TMEM132B: variants seen among roughly 807,000 people sequenced by gnomAD.
The protein encoded by TMEM132B is transmembrane protein 132B.
A neutral mutation model predicts 90.8 loss-of-function variants in TMEM132B; 18 were observed. The ratio of observed to expected loss-of-function variants is 0.20; its 90% CI spans 0.14 to 0.29. TMEM132B has a LOEUF of 0.29. Ranked by LOEUF, TMEM132B falls within the 10% of genes least tolerant of loss-of-function variation. TMEM132B has a pLI of 1.00. For missense variants in TMEM132B, 1,096 were observed against 1,326.8 expected (o/e 0.83, Z 2.70); for synonymous variants, 504 against 523.3 (o/e 0.96, Z 0.50).
chr12:125,311,466 C>T (rs898286305), intron 1 of TMEM132B, among the ~76,000 whole-genome samples: 3 of 152,230 alleles, frequency 2.0e-5, no homozygotes, highest in African/African-American at 7.2e-5. Flanking sequence ...CCCAGCTTCT[C>T]TCTTCCTTTT....
rs1028771858 is a variant in TMEM132B, at chr12:125,407,849, T to A, written c.960-7682T>A. Among the ~76,000 whole-genome samples the A allele has an allele frequency of 6.6e-6, 1 of 152,240 alleles. No individual in the cohort carries two copies. Among genetic ancestry groups the A allele is most frequent in the African/African-American group, 2.4e-5 (1 of 41,468 alleles). On this transcript the variant is annotated intron_variant, in intron 2 of 8. Transcript: ENST00000682704. This position sits in a 1 kb window ranked among gnomAD's most constrained non-coding sequence, Gnocchi z 6.7. ...GCCACCATGTCCTCCTGGCTCTGACTTACGTCCCTGTTACAATGCACTTGC... is the reference window on the plus strand; with the variant it reads ...GCCACCATGTCCTCCTGGCTCTGACATACGTCCCTGTTACAATGCACTTGC...
chr12:125,557,155 C>T (rs768929612), intron 4 of TMEM132B, among the ~76,000 whole-genome samples: 1 of 152,128 alleles, frequency 6.6e-6, no homozygotes, highest in African/African-American at 2.4e-5. Flanking sequence ...AATGTATACA[C>T]ATATGTTCAT....
At chr12:125,615,985 A>G (rs1226663045) in intron 5 of TMEM132B, among the ~76,000 whole-genome samples, 1 of 152,178 alleles carries the variant, frequency 6.6e-6, no homozygotes. Context: ...GTACATGTGC[A>G]CAACATGCAG....
At chr12:125,577,761 A>C (rs1277790901) in intron 4 of TMEM132B, among the ~76,000 whole-genome samples, 3 of 151,878 alleles carry the variant, frequency 2.0e-5, no homozygotes, top group Non-Finnish European at 1.5e-5. Flanking sequence ...CCCTCTAGAT[A>C]CTACTTTTAA....
intron 1 of TMEM132B, among the ~76,000 whole-genome samples, chr12:125,220,763 C>T (rs959099103): frequency 2.0e-5 from 3 of 152,184 alleles, no homozygotes; most frequent in African/African-American, 4.8e-5. Flanking sequence ...ATCGTAGGAG[C>T]GTGTACCTCT....
At chr12:125,427,560 T>A (rs550365265) in intron 3 of TMEM132B, among the ~76,000 whole-genome samples, 1 of 152,182 alleles carries the variant, frequency 6.6e-6, no homozygotes, top group African/African-American at 2.4e-5. Flanking sequence ...AAACAAGAAG[T>A]GGATGGGGCC....
At chr12:125,195,792 G>A (rs1410425173) in intron 1 of TMEM132B, among the ~76,000 whole-genome samples, 7 of 152,110 alleles carry the variant, frequency 4.6e-5, no homozygotes. Flanking sequence ...ATCTTGGGAA[G>A]AGTGTTCCAG....
At chr12:125,392,148 A>ATATT (rs1420956985) in intron 2 of TMEM132B, among the ~76,000 whole-genome samples, 1 of 152,206 alleles carries the variant, frequency 6.6e-6, no homozygotes, top group Non-Finnish European at 1.5e-5. Context: ...AAAGAAAATA[A>ATATT]TATTTTTTTT....
intron 5 of TMEM132B, chr12:125,586,192 G>A (rs1885175454): frequency 6.6e-6 from 1 of 152,182 alleles, no homozygotes; most frequent in African/African-American, 2.4e-5. Context: ...TTTTTAGGGA[G>A]AGTCTTGCAG....
In TMEM132B at chr12:125,350,160, C is replaced by T. The variant is rs1877512260; in HGVS notation, c.776C>T (p.Pro259Leu). 1 of 1,614,088 alleles carries T rather than the reference C, an allele frequency of 6.2e-7. No individual in the cohort carries two copies. Among genetic ancestry groups the T allele is most frequent in the African/African-American group, 1.3e-5 (1 of 74,948 alleles). ...SGLESPQQAF[P>L]ARERIGSVVV... ...CTGGAGAGCCCCCAGCAAGCGTTTC[C>T]AGCCCGAGAGAGGATTGGGAGTGTG... Residue 259 changes from proline (P) to leucine (L), a missense_variant, in exon 2 of 9, where the codon CCA becomes CTA. Physicochemically the swap from Pro to Leu is moderately conservative, Grantham distance 98 (BLOSUM62 -3). Transcript: ENST00000682704.
chr12:125,617,900 T>C (rs1032872072), intron 5 of TMEM132B, among the ~76,000 whole-genome samples: 2 of 152,010 alleles, frequency 1.3e-5, no homozygotes, highest in East Asian at 3.9e-4. Context: ...TTTGAGTTTA[T>C]ATATTAATAG....
chr12:125,367,943 G>A (rs1219131442), intron 2 of TMEM132B, among the ~76,000 whole-genome samples: 1 of 151,646 alleles, frequency 6.6e-6, no homozygotes, highest in East Asian at 1.9e-4. Context: ...TTAATCTATT[G>A]TGTTATCAAA....
chr12:125,554,426 TTAAAAAA>T (rs1213505540), intron 4 of TMEM132B, among the ~76,000 whole-genome samples: 13 of 97,296 alleles, frequency 1.3e-4, no homozygotes, highest in African/African-American at 5.2e-4. Context: ...CTCCATTTCA[TTAAAAAA>T]AAAAAAAAAA....
intron 2 of TMEM132B, among the ~76,000 whole-genome samples, chr12:125,361,149 C>T (rs1837204188): frequency 6.6e-6 from 1 of 152,090 alleles, no homozygotes; most frequent in African/African-American, 2.4e-5. Context: ...CCCAGCCCAC[C>T]CTCAGCAGTG....
chr12:125,654,225 A>T lies in TMEM132B; in HGVS notation c.2767A>T (p.Asn923Tyr). ...TCTGGCCATTCTGGTCTTCTTGATC[A>T]ACTGCGTGGCGTTTGCCTGGAAATA... ...FCLAILVFLI[N>Y]CVAFAWKYRH... Residue 923 changes from asparagine to tyrosine, a missense_variant, in exon 9 of 9, where the codon AAC becomes TAC. Asn to Tyr is a moderately radical substitution (Grantham distance 143). Coordinates refer to ENST00000682704, the MANE Select transcript of TMEM132B (RefSeq NM_001366854.1). This position sits in a 1 kb window ranked among gnomAD's most constrained non-coding sequence, Gnocchi z 5.8. 6.2e-7 allele frequency: 1 copy of T among 1,614,178 alleles called. No homozygotes were observed. The highest frequency in any genetic ancestry group is 8.5e-7 in the Non-Finnish European group (1 of 1,180,044).
rs1055083226 is a variant in TMEM132B at position 125,349,048 on chromosome 12, G to T, written c.68-404G>T. On this transcript the variant is annotated intron_variant, in intron 1 of 8. Transcript: ENST00000682704. The surrounding 1 kb of genome is among the most constrained non-coding windows in gnomAD (Gnocchi z 4.1). Reference sequence around the variant, plus strand: ...GCAGCATAAATATCAAAGTAATAAGGCACTAACGTGTCACATACAATGGTG... The same window carrying T: ...GCAGCATAAATATCAAAGTAATAAGTCACTAACGTGTCACATACAATGGTG... Among the ~76,000 whole-genome samples, 1 of 152,210 alleles carries T rather than the reference G, an allele frequency of 6.6e-6. No individual in the cohort carries two copies. Among genetic ancestry groups the T allele is most frequent in the African/African-American group, 2.4e-5 (1 of 41,442 alleles).
At chr12:125,486,204 C>T (rs1882198027) in intron 3 of TMEM132B, among the ~76,000 whole-genome samples, 1 of 152,186 alleles carries the variant, frequency 6.6e-6, no homozygotes, top group South Asian at 2.1e-4. Flanking sequence ...AGGATGATTT[C>T]TGAGTGAAGA....
intron 1 of TMEM132B, among the ~76,000 whole-genome samples, chr12:125,229,931 A>G (rs1873778586): frequency 6.6e-6 from 1 of 152,268 alleles, no homozygotes; most frequent in African/African-American, 2.4e-5. Flanking sequence ...GCATGTGCCC[A>G]TTCCAGAACC....
At chr12:125,324,110 GAAA>G (rs1876497577) in intron 1 of TMEM132B, among the ~76,000 whole-genome samples, 1 of 152,174 alleles carries the variant, frequency 6.6e-6, no homozygotes, top group Admixed American at 6.5e-5. Context: ...CTTCAGATCA[GAAA>G]AATGGAGGCC....
Sources: allele counts gnomAD v4.1 joint callset (sites outside exome capture counted in the v4.1 genomes callset), GRCh38; gene constraint gnomAD v4.1.1; non-coding constraint Gnocchi (gnomAD v3.1); transcripts MANE v1.5; gene names NCBI Gene and HGNC (gene_info 2026-07-23, HGNC 2026-07-21).